TYW1: variants seen among roughly 807,000 people sequenced by gnomAD.
The protein encoded by TYW1 is S-adenosyl-L-methionine-dependent tRNA 4-demethylwyosine synthase TYW1.
TYW1 carries 46 observed loss-of-function variants against 96.2 expected under a neutral mutation model. The observed-to-expected ratio is 0.48, with a 90% CI of 0.38 to 0.61. The LOEUF is 0.61. Ranked by LOEUF, TYW1 falls within the 20% of genes least tolerant of loss-of-function variation. The pLI is 0.00. For missense variants in TYW1, 684 were observed against 909.6 expected (o/e 0.75, Z 3.19); for synonymous variants, 274 against 323.0 (o/e 0.85, Z 1.63).
At chr7:67,220,421 T>C in intron 15 of TYW1, among the ~76,000 whole-genome samples, 1 of 152,100 alleles carries the variant, frequency 6.6e-6, no homozygotes, top group Non-Finnish European at 1.5e-5. Flanking sequence ...GCCAGGATAG[T>C]CTCGATCTCC....
chr7:67,061,819 G>C (rs984262924), intron 9 of TYW1, among the ~76,000 whole-genome samples: 31 of 152,270 alleles, frequency 2.0e-4, no homozygotes, highest in Admixed American at 1.9e-3. Context: ...TTACCAAATT[G>C]TTGTATACTA....
At chr7:67,031,147 T>G in intron 7 of TYW1, among the ~76,000 whole-genome samples, 1 of 133,892 alleles carries the variant, frequency 7.5e-6, no homozygotes, top group Non-Finnish European at 1.6e-5. Flanking sequence ...GAGCTGAGAT[T>G]GCGCCATTGC....
At chr7:67,153,950 C>T (rs536669082) in intron 13 of TYW1, among the ~76,000 whole-genome samples, 19 of 120,084 alleles carry the variant, frequency 1.6e-4, no homozygotes, top group Middle Eastern at 5.7e-3. Context: ...TTTTTTGAGA[C>T]GGAGTCTCGC....
intron 13 of TYW1, among the ~76,000 whole-genome samples, chr7:67,130,590 G>A (rs145065414): frequency 0.033 from 5,071 of 151,988 alleles, 252 homozygotes; most frequent in African/African-American, 0.11. Context: ...TGTGAACCTG[G>A]GAGGTAGAGC....
intron 7 of TYW1, among the ~76,000 whole-genome samples, chr7:67,026,352 C>G (rs1251993411): frequency 6.6e-6 from 1 of 152,200 alleles, no homozygotes; most frequent in Non-Finnish European, 1.5e-5. Context: ...GGATTACACA[C>G]ATGAGTTACC....
At chr7:67,166,303 ACTTTT>A (rs1799319988) in intron 13 of TYW1, among the ~76,000 whole-genome samples, 2 of 145,766 alleles carry the variant, frequency 1.4e-5, no homozygotes. Flanking sequence ...TCCTCCCAGT[ACTTTT>A]TATATATAAT....
intron 7 of TYW1, among the ~76,000 whole-genome samples, chr7:67,042,050 A>G (rs1771572351): frequency 6.8e-6 from 1 of 147,078 alleles, no homozygotes; most frequent in Non-Finnish European, 1.5e-5. Context: ...TTAATATATA[A>G]TTATATTAGA....
intron 9 of TYW1, among the ~76,000 whole-genome samples, chr7:67,061,964 T>A (rs1795709210): frequency 6.6e-6 from 1 of 152,222 alleles, no homozygotes; most frequent in Non-Finnish European, 1.5e-5. Context: ...TTAGTTTTGC[T>A]TGATCTTGAT....
intron 15 of TYW1, among the ~76,000 whole-genome samples, chr7:67,210,158 A>T (rs575400590): frequency 1.9e-3 from 292 of 152,272 alleles, no homozygotes; most frequent in Non-Finnish European, 3.6e-3. Flanking sequence ...TTGGCGTGGC[A>T]GTTCTCAGAC....
chr7:67,119,897 C>T lies in TYW1; in HGVS notation c.1698+2279C>T, dbSNP rs188634896. On this transcript the variant is annotated intron_variant, in intron 13 of 15. Coordinates refer to ENST00000359626, the MANE Select transcript of TYW1 (RefSeq NM_018264.4). ...CCAACTCCTGGGCCCAAACGGTCCTCCTTCCTCAGCCTTCCAAGTACTGGG... is the reference window on the plus strand; with the variant it reads ...CCAACTCCTGGGCCCAAACGGTCCTTCTTCCTCAGCCTTCCAAGTACTGGG... Among the ~76,000 whole-genome samples the T allele has an allele frequency of 2.2e-3, 334 of 152,274 alleles. 4 individuals carry two copies. The highest frequency in any genetic ancestry group is 0.012 in the Admixed American group (177 of 15,296).
At chr7:67,049,910 T>G (rs747516282) in intron 7 of TYW1, 39 bp from the exon 8 acceptor site, 2 of 1,612,056 alleles carry the variant, frequency 1.2e-6, no homozygotes, top group Non-Finnish European at 1.7e-6. Context: ...CATTGCACAT[T>G]ACCAATTCTG....
chr7:67,157,410 C>T (rs186179695), intron 13 of TYW1, among the ~76,000 whole-genome samples: 3 of 152,106 alleles, frequency 2.0e-5, no homozygotes, highest in East Asian at 1.9e-4. Context: ...CTCAGCCTCC[C>T]GAGTAGCTGG....
intron 13 of TYW1, among the ~76,000 whole-genome samples, chr7:67,145,650 A>G (rs538536942): frequency 2.2e-4 from 34 of 152,306 alleles, no homozygotes; most frequent in East Asian, 5.8e-4. Context: ...CATTGGGTAT[A>G]TATTTCCTAT....
Position 67,237,222 on chromosome 7 carries a change from C to T in TYW1, c.1978-1086C>T, listed in dbSNP as rs564857100. Among the ~76,000 whole-genome samples, 840 of 143,340 alleles carry T rather than the reference C, an allele frequency of 5.9e-3. 7 individuals are homozygous for T. The highest frequency in any genetic ancestry group is 0.021 in the Middle Eastern group (6 of 284). The allele number at this position is 143,340 out of a possible 152,430, so 94.0% of individuals were successfully genotyped here. On this transcript the variant is annotated intron_variant, in intron 15 of 15. Coordinates refer to ENST00000359626, the MANE Select transcript of TYW1 (RefSeq NM_018264.4). ...TTTTTTAAAAGACAGTGGCATGGGC[C>T]GGGCGTGGTGGCTCACGCCTGTAAT...
At chr7:67,165,178 C>G (rs1389297867) in intron 13 of TYW1, among the ~76,000 whole-genome samples, 6 of 152,176 alleles carry the variant, frequency 3.9e-5, no homozygotes, top group Admixed American at 3.9e-4. Flanking sequence ...TACCTCATTA[C>G]TGCTTCAATT....
chr7:67,047,935 C>T (rs1270793104), intron 7 of TYW1, among the ~76,000 whole-genome samples: 1 of 151,562 alleles, frequency 6.6e-6, no homozygotes, highest in Non-Finnish European at 1.5e-5. Flanking sequence ...TTATAGGTGC[C>T]CGCCACCATG....
At chr7:67,030,193 C>G (rs1377874725) in intron 7 of TYW1, among the ~76,000 whole-genome samples, 1 of 152,178 alleles carries the variant, frequency 6.6e-6, no homozygotes, top group African/African-American at 2.4e-5. Context: ...CAGTGTATTT[C>G]CTTTTCTCAA....
At chr7:67,122,829 C>G (rs1563025485) in intron 13 of TYW1, among the ~76,000 whole-genome samples, 1 of 152,122 alleles carries the variant, frequency 6.6e-6, no homozygotes, top group Non-Finnish European at 1.5e-5. Context: ...ATTTTCTGTC[C>G]TTAGCACACT....
At chr7:67,047,641 C>CTTTT (rs201219287) in intron 7 of TYW1, among the ~76,000 whole-genome samples, 1 of 140,816 alleles carries the variant, frequency 7.1e-6, no homozygotes. Context: ...CTTAATGCGA[C>CTTTT]TTTTTTTTTT....
Sources: gnomAD v4.1 joint callset for allele counts (sites outside exome capture counted in the v4.1 genomes callset) on GRCh38, gnomAD v4.1.1 for gene constraint, MANE v1.5 for transcripts, NCBI Gene and HGNC (gene_info 2026-07-23, HGNC 2026-07-21) for gene names.